The following ARHGAP40 variants were observed in gnomAD, a reference collection of about 807,000 sequenced individuals.
ARHGAP40 encodes the protein rho GTPase-activating protein 40.
In ARHGAP40, 43 loss-of-function variants were observed where a neutral mutation model predicts 73.5. The observed-to-expected ratio is 0.58, with a 90% CI of 0.46 to 0.75. The LOEUF is 0.75. Among genes scored for constraint, ARHGAP40 ranks in the 30% least tolerant of loss-of-function variants. ARHGAP40 has a pLI of 0.00. For synonymous variants in ARHGAP40, 300 were observed against 352.8 expected (o/e 0.85, Z 1.68); for missense variants, 734 against 861.8 (o/e 0.85, Z 1.86).
intron 1 of ARHGAP40, among the ~76,000 whole-genome samples, chr20:38,609,119 C>G (rs2088790311): frequency 1.3e-5 from 2 of 152,170 alleles, no homozygotes; most frequent in Non-Finnish European, 1.5e-5. Flanking sequence ...CCATGTAACA[C>G]ACACATTTAC....
chr20:38,615,992 G>A (rs1233046433), intron 1 of ARHGAP40, among the ~76,000 whole-genome samples: 2 of 152,182 alleles, frequency 1.3e-5, no homozygotes, highest in African/African-American at 2.4e-5. Flanking sequence ...GCTGTGGTCT[G>A]TGCCATAGGT....
At chr20:38,610,893 T>C (rs1439949611) in intron 1 of ARHGAP40, among the ~76,000 whole-genome samples, 1 of 150,644 alleles carries the variant, frequency 6.6e-6, no homozygotes, top group Non-Finnish European at 1.5e-5. Flanking sequence ...CTTTTTTTTT[T>C]TCTTTTTTTT....
At chr20:38,606,030 T>C (rs990077080) in intron 1 of ARHGAP40, among the ~76,000 whole-genome samples, 1 of 152,100 alleles carries the variant, frequency 6.6e-6, no homozygotes, top group African/African-American at 2.4e-5. Context: ...CCTAGCTATT[T>C]TTTTCATTTT....
At chr20:38,618,406 C>T (rs979937300) in intron 1 of ARHGAP40, among the ~76,000 whole-genome samples, 2 of 152,158 alleles carry the variant, frequency 1.3e-5, no homozygotes, top group Non-Finnish European at 2.9e-5. Flanking sequence ...CGCACCCAGC[C>T]CAAAGTTCTT....
chr20:38,621,770 A>C (rs2088874934), intron 1 of ARHGAP40, among the ~76,000 whole-genome samples: 1 of 152,240 alleles, frequency 6.6e-6, no homozygotes, highest in African/African-American at 2.4e-5. Context: ...AAAATGTTTT[A>C]AGGCCGGGCT....
chr20:38,639,128 C>T, intron 8 of ARHGAP40, 99 bp from the exon 9 acceptor site: 2 of 1,206,410 alleles, frequency 1.7e-6, no homozygotes, highest in Non-Finnish European at 2.2e-6. Context: ...CTTGTTGTCC[C>T]CACTTTGCAG....
intron 2 of ARHGAP40, among the ~76,000 whole-genome samples, chr20:38,625,097 C>T (rs947032472): frequency 1.3e-5 from 2 of 152,248 alleles, no homozygotes; most frequent in Non-Finnish European, 2.9e-5. Flanking sequence ...AAACAGACCA[C>T]GTGGTGATGC....
chr20:38,650,538 T>C, exon 15 of ARHGAP40: 1 of 466,124 alleles, frequency 2.1e-6, no homozygotes, highest in Non-Finnish European at 4.5e-6. Context: ...AGGAAGACTT[T>C]GCTTCACAGC....
intron 8 of ARHGAP40, among the ~76,000 whole-genome samples, 153 bp from the exon 9 acceptor site, chr20:38,639,074 G>A (rs545543297): frequency 2.0e-5 from 3 of 152,330 alleles, no homozygotes; most frequent in Admixed American, 6.5e-5. Context: ...TGACACGCAC[G>A]TTAGACCATT....
chr20:38,641,735 A>G (rs1478821509), exon 10 of ARHGAP40: 1 of 1,296,088 alleles, frequency 7.7e-7, no homozygotes, highest in Admixed American at 2.4e-5. Flanking sequence ...GACATCCCCA[A>G]CCTGAAGCAG....
chr20:38,633,230 T>C (rs537884438), intron 5 of ARHGAP40, among the ~76,000 whole-genome samples: 10 of 152,096 alleles, frequency 6.6e-5, no homozygotes, highest in Non-Finnish European at 1.2e-4. Flanking sequence ...TACAGTGAGC[T>C]GTGATTGTGC....
chr20:38,615,818 A>G (rs1025045352), intron 1 of ARHGAP40, among the ~76,000 whole-genome samples: 2 of 152,136 alleles, frequency 1.3e-5, no homozygotes, highest in Non-Finnish European at 2.9e-5. Context: ...TGTGTGACAA[A>G]TGATCCCCAA....
At position 38,622,894 on chromosome 20, in the gene ARHGAP40, T is replaced by G. The variant is rs141776533; in HGVS notation, c.138-465T>G. ...AAGCTGGCTGGGAGAGGGGAGGAGA[T>G]GAGGTGCTCCTGTGATACAAACAGG... On this transcript the variant is annotated intron_variant, in intron 1 of 14. Transcript: ENST00000373345. Among the ~76,000 whole-genome samples the G allele has an allele frequency of 2.1e-4, 32 of 152,140 alleles. No homozygotes were observed. The East Asian group carries it at 6.2e-3, about 30-fold the overall frequency.
chr20:38,607,141 C>A (rs543240655), intron 1 of ARHGAP40, among the ~76,000 whole-genome samples: 2 of 152,320 alleles, frequency 1.3e-5, no homozygotes, highest in South Asian at 4.1e-4. Context: ...GTTCTTGGAG[C>A]TGACTCCAAA....
intron 10 of ARHGAP40, 94 bp downstream of exon 10, chr20:38,641,902 A>AT: frequency 1.0e-6 from 1 of 985,886 alleles, no homozygotes; most frequent in Non-Finnish European, 1.3e-6. Context: ...TCATTCATTC[A>AT]ACAACTCTGC....
intron 5 of ARHGAP40, among the ~76,000 whole-genome samples, chr20:38,630,691 C>CA (rs1202508817): frequency 3.3e-5 from 5 of 152,082 alleles, no homozygotes; most frequent in Admixed American, 6.5e-5. Flanking sequence ...CAAATGAGTA[C>CA]AGAAACTTCC....
chr20:38,602,086 G>A lies in ARHGAP40; in HGVS notation c.137+7G>A. On this transcript the variant is annotated splice_region_variant and intron_variant, in intron 1 of 14. Coordinates refer to ENST00000373345, the Ensembl canonical transcript of ARHGAP40. ...GGGCCGACCTGGGCTGCAGGTACAGGGGTCACGGGAGCGGGAGGGAAGTTG... is the reference window on the plus strand; with the variant it reads ...GGGCCGACCTGGGCTGCAGGTACAGAGGTCACGGGAGCGGGAGGGAAGTTG... 7.8e-7 allele frequency: 1 copy of A among 1,278,004 alleles called. No homozygotes were observed. Among genetic ancestry groups the A allele is most frequent in the South Asian group, 1.2e-5 (1 of 80,196 alleles). 79.2% of individuals were successfully genotyped at this position (1,278,004 alleles called of 1,614,324 possible).
chr20:38,609,518 T>G (rs1050824585), intron 1 of ARHGAP40, among the ~76,000 whole-genome samples: 1 of 152,200 alleles, frequency 6.6e-6, no homozygotes, highest in African/African-American at 2.4e-5. Flanking sequence ...ATAAAAAGAA[T>G]GTCTCTGGTC....
At chr20:38,642,649 T>C (rs1383531078) in intron 10 of ARHGAP40, among the ~76,000 whole-genome samples, 1 of 150,730 alleles carries the variant, frequency 6.6e-6, no homozygotes, top group Non-Finnish European at 1.5e-5. Flanking sequence ...CCCTTCCATT[T>C]ATTCTTCCTT....
Sources: gnomAD v4.1 joint callset for allele counts (sites outside exome capture counted in the v4.1 genomes callset) on GRCh38, gnomAD v4.1.1 for gene constraint, MANE v1.5 for transcripts, NCBI Gene and HGNC (gene_info 2026-07-23, HGNC 2026-07-21) for gene names.